The following PTPN14 variants were observed in gnomAD, a reference collection of about 807,000 sequenced individuals.
PTPN14 encodes tyrosine-protein phosphatase non-receptor type 14.
In PTPN14, 53 loss-of-function variants were observed where a neutral mutation model predicts 126.8. The observed-to-expected ratio is 0.42, with a 90% confidence interval of 0.34 to 0.53. The LOEUF (loss-of-function observed/expected upper bound fraction) is 0.53, where lower values mean the gene tolerates loss of function less well. Ranked by LOEUF, PTPN14 falls within the 20% of genes least tolerant of loss-of-function variation. The pLI is 0.08. For missense variants in PTPN14, 1,257 were observed against 1,552.9 expected (o/e 0.81, Z 3.20); for synonymous variants, 630 against 599.3 (o/e 1.05, Z -0.75).
rs147542143 is a variant in PTPN14, at chr1:214,472,485, G to A, written c.-154-7528C>T. 5.0e-3 allele frequency among the ~76,000 whole-genome samples: 760 copies of A among 152,242 alleles called. 6 individuals are homozygous for A. The highest frequency in any genetic ancestry group is 7.9e-3 in the Non-Finnish European group (540 of 68,020). On this transcript the variant is annotated intron_variant, in intron 1 of 18. Transcript: ENST00000366956. Reference sequence around the variant, plus strand: ...AATCCCTTTTCTTGTAAGTTACCCAGTCTCAGGTATTTCTTCATAGCCATG... The same window carrying A: ...AATCCCTTTTCTTGTAAGTTACCCAATCTCAGGTATTTCTTCATAGCCATG...
chr1:214,476,664 C>A (rs1198866375), intron 1 of PTPN14, among the ~76,000 whole-genome samples: 1 of 152,192 alleles, frequency 6.6e-6, no homozygotes, highest in Non-Finnish European at 1.5e-5. Context: ...TCACCAGTTT[C>A]TCCAGCCCCA....
At chr1:214,373,852 G>C (rs145644161) in intron 15 of PTPN14, among the ~76,000 whole-genome samples, 5 of 152,294 alleles carry the variant, frequency 3.3e-5, no homozygotes, top group Non-Finnish European at 7.3e-5. Context: ...CTTGTCAACA[G>C]CATATATTTT....
At chr1:214,506,124 T>G (rs4448491) in intron 1 of PTPN14, among the ~76,000 whole-genome samples, 5,951 of 152,224 alleles carry the variant, frequency 0.039, 171 homozygotes, top group Middle Eastern at 0.12. Context: ...AAACTAAGAC[T>G]GATAACAAGT....
At chr1:214,360,798 G>T (rs146862386) in intron 18 of PTPN14, among the ~76,000 whole-genome samples, 9 of 152,276 alleles carry the variant, frequency 5.9e-5, no homozygotes, top group African/African-American at 1.9e-4. Context: ...ATACTGATAT[G>T]GTCTTGGCTC....
At chr1:214,453,790 G>A (rs1017906237) in intron 2 of PTPN14, among the ~76,000 whole-genome samples, 1 of 152,176 alleles carries the variant, frequency 6.6e-6, no homozygotes, top group Non-Finnish European at 1.5e-5. Flanking sequence ...GGCAAAGGTA[G>A]AAGCTGGAAC....
chr1:214,472,937 T>C (rs896643510), intron 1 of PTPN14, among the ~76,000 whole-genome samples: 9 of 152,220 alleles, frequency 5.9e-5, no homozygotes, highest in Admixed American at 6.5e-5. Flanking sequence ...CTGAAAGCAA[T>C]TCGTTGAGAT....
At chr1:214,454,713 TC>T (rs1660345426) in intron 2 of PTPN14, among the ~76,000 whole-genome samples, 1 of 152,106 alleles carries the variant, frequency 6.6e-6, no homozygotes, top group Admixed American at 6.5e-5. Flanking sequence ...AAAACCTAAT[TC>T]ATGGCATAAA....
At chr1:214,382,200 C>T (rs191701337) in intron 13 of PTPN14, among the ~76,000 whole-genome samples, 3 of 152,170 alleles carry the variant, frequency 2.0e-5, no homozygotes, top group South Asian at 2.1e-4. Context: ...AGTGCCCAGT[C>T]GAGATTTTTT....
chr1:214,384,715 A>G lies in PTPN14; in HGVS notation c.1140T>C (p.Asn380=), dbSNP rs375376017. 9.3e-6 allele frequency: 15 copies of G among 1,614,154 alleles called. No individual in the cohort carries two copies. The African/African-American group carries it at 1.9e-4, about 20-fold the overall frequency. ...ACACGCTGCCATTGGTGACAGTGCC[A>G]TTTAAATAATTTAAGTCCAGGCTGT... The part of the protein sequence containing the change: ...SHNSLDLNYL[N]GTVTNGSVCS... Residue 380 remains asparagine, a synonymous_variant, in exon 13 of 19, where the codon AAT becomes AAC. Coordinates refer to ENST00000366956, the MANE Select transcript of PTPN14 (RefSeq NM_005401.5). The surrounding 1 kb of genome is among the most constrained non-coding windows in gnomAD (Gnocchi z 5.3).
chr1:214,498,349 T>C (rs1244567998), intron 1 of PTPN14, among the ~76,000 whole-genome samples: 1 of 152,162 alleles, frequency 6.6e-6, no homozygotes, highest in East Asian at 1.9e-4. Flanking sequence ...CCCAGGTCAA[T>C]AAGAGCTGGA....
intron 8 of PTPN14, among the ~76,000 whole-genome samples, chr1:214,396,418 C>T (rs1658880711): frequency 6.6e-6 from 1 of 152,250 alleles, no homozygotes; most frequent in Non-Finnish European, 1.5e-5. Context: ...TCACAACCTA[C>T]AGTTCTATCA....
chr1:214,370,728 G>A (rs542390329), intron 16 of PTPN14, among the ~76,000 whole-genome samples: 69 of 152,184 alleles, frequency 4.5e-4, no homozygotes, highest in East Asian at 2.9e-3. Flanking sequence ...GCTTTGCACC[G>A]TTTTAAAATC....
intron 15 of PTPN14, among the ~76,000 whole-genome samples, chr1:214,375,573 G>T (rs2102526215): frequency 6.6e-6 from 1 of 152,310 alleles, no homozygotes; most frequent in Admixed American, 6.5e-5. Flanking sequence ...ATAAGTCAAA[G>T]TTTTAACTGC....
At chr1:214,511,937 C>T (rs769811852) in intron 1 of PTPN14, among the ~76,000 whole-genome samples, 2 of 151,918 alleles carry the variant, frequency 1.3e-5, no homozygotes, top group South Asian at 4.2e-4. Flanking sequence ...GTTTGGCATC[C>T]ATCACAGGGC....
chr1:214,409,882 A>G (rs1227170544), intron 5 of PTPN14, among the ~76,000 whole-genome samples: 2 of 152,090 alleles, frequency 1.3e-5, no homozygotes, highest in African/African-American at 4.8e-5. Flanking sequence ...CGTGGTTTCA[A>G]TTTGCATTTC....
chr1:214,482,358 A>G (rs111411721), intron 1 of PTPN14, among the ~76,000 whole-genome samples: 1,530 of 95,682 alleles, frequency 0.016, no homozygotes, highest in South Asian at 0.019. Flanking sequence ...AAGAGAAAAA[A>G]GTCATAATGT....
At chr1:214,534,980 T>C (rs2102475651) in intron 1 of PTPN14, among the ~76,000 whole-genome samples, 1 of 152,180 alleles carries the variant, frequency 6.6e-6, no homozygotes, top group South Asian at 2.1e-4. Flanking sequence ...CACTCTTTGA[T>C]GACAATAACT....
intron 1 of PTPN14, among the ~76,000 whole-genome samples, chr1:214,476,088 T>G (rs1446276889): frequency 6.6e-6 from 1 of 152,124 alleles, no homozygotes; most frequent in Non-Finnish European, 1.5e-5. Flanking sequence ...GGGACCCAAT[T>G]TCAGCCCAAG....
chr1:214,512,016 C>T (rs906878896), intron 1 of PTPN14, among the ~76,000 whole-genome samples: 3 of 152,084 alleles, frequency 2.0e-5, no homozygotes, highest in Admixed American at 2.0e-4. Context: ...GCCTTGCTGA[C>T]TGGGGAAAGG....
Sources: gnomAD v4.1 joint callset for allele counts (sites outside exome capture counted in the v4.1 genomes callset) on GRCh38, gnomAD v4.1.1 for gene constraint, Gnocchi (gnomAD v3.1) non-coding constraint, MANE v1.5 for transcripts, NCBI Gene and HGNC (gene_info 2026-07-23, HGNC 2026-07-21) for gene names.